The following SLC6A11 variants were observed in gnomAD, a reference collection of about 807,000 sequenced individuals.
SLC6A11 encodes sodium- and chloride-dependent GABA transporter 3.
In SLC6A11, 25 loss-of-function variants were observed where a neutral mutation model predicts 74.8. The ratio of observed to expected loss-of-function variants is 0.33; its 90% CI spans 0.24 to 0.47. The LOEUF (loss-of-function observed/expected upper bound fraction) is 0.47. SLC6A11 is among the 20% of genes least tolerant of loss of function. SLC6A11 has a pLI of 1.00. For missense variants in SLC6A11, 574 were observed against 837.0 expected, an observed-to-expected ratio of 0.69 and a Z score of 3.88; for synonymous variants, 330 against 330.2, an observed-to-expected ratio of 1.00 and a Z score of 0.01.
chr3:10,891,315 A>C (rs1025923294), intron 6 of SLC6A11, among the ~76,000 whole-genome samples: 1 of 152,254 alleles, frequency 6.6e-6, no homozygotes, highest in Admixed American at 6.5e-5. Context: ...TGTAACTGTC[A>C]TAAAAATATT....
intron 8 of SLC6A11, among the ~76,000 whole-genome samples, chr3:10,922,997 GAGAA>G (rs779518249): frequency 3.8e-4 from 58 of 152,196 alleles, no homozygotes; most frequent in Middle Eastern, 3.4e-3. Flanking sequence ...ATTTTTCACT[GAGAA>G]AGAAGTTATA....
intron 6 of SLC6A11, among the ~76,000 whole-genome samples, chr3:10,880,724 G>T (rs1261007250): frequency 6.6e-6 from 1 of 152,146 alleles, no homozygotes; most frequent in Non-Finnish European, 1.5e-5. Context: ...GGTGAAATGA[G>T]CACTTGGTGG....
rs1415443783 is a variant in SLC6A11, at chr3:10,933,272, C to T, written c.1474+19C>T. 8.3e-6 allele frequency: 13 copies of T among 1,558,030 alleles called. No individual in the cohort carries two copies. The highest frequency in any genetic ancestry group is 2.2e-5 in the East Asian group (1 of 44,574). On this transcript the variant is annotated intron_variant, in intron 11 of 13. Transcript: ENST00000254488. ...GTGTATGGTGAGTAGCAGCCAAGCC[C>T]GTCCACACCCCAGCTGCCCACCAGG...
intron 5 of SLC6A11, among the ~76,000 whole-genome samples, chr3:10,865,856 G>A (rs1485212208): frequency 1.3e-5 from 2 of 152,210 alleles, no homozygotes; most frequent in Non-Finnish European, 2.9e-5. Context: ...GTTGTCCTCA[G>A]AATCTTCTCT....
intron 5 of SLC6A11, among the ~76,000 whole-genome samples, chr3:10,870,121 G>A (rs1042044738): frequency 6.6e-6 from 1 of 152,164 alleles, no homozygotes; most frequent in African/African-American, 2.4e-5. Context: ...CCAAGCTCCA[G>A]CCCATGTTCA....
chr3:10,894,343 A>C (rs1695144851), intron 6 of SLC6A11, among the ~76,000 whole-genome samples: 1 of 152,142 alleles, frequency 6.6e-6, no homozygotes, highest in Non-Finnish European at 1.5e-5. Context: ...GTGGAAGGAG[A>C]ATGGTATGTA....
chr3:10,852,581 G>A (rs1489007875), intron 5 of SLC6A11, among the ~76,000 whole-genome samples: 1 of 152,250 alleles, frequency 6.6e-6, no homozygotes, highest in Non-Finnish European at 1.5e-5. Context: ...TCTGTGGCTG[G>A]TGGCCTGGAG....
chr3:10,852,230 A>G (rs767050028), intron 5 of SLC6A11, among the ~76,000 whole-genome samples: 2 of 152,198 alleles, frequency 1.3e-5, no homozygotes, highest in African/African-American at 2.4e-5. Context: ...AGAGGAAACT[A>G]GAACGTTCAT....
chr3:10,877,291 A>T (rs1694920609), intron 6 of SLC6A11, among the ~76,000 whole-genome samples: 1 of 152,174 alleles, frequency 6.6e-6, no homozygotes, highest in Non-Finnish European at 1.5e-5. Flanking sequence ...TTCACAGGAC[A>T]CAGAAGCAGT....
intron 4 of SLC6A11, among the ~76,000 whole-genome samples, chr3:10,836,978 G>A (rs889029855): frequency 1.3e-5 from 2 of 152,214 alleles, no homozygotes; most frequent in Non-Finnish European, 2.9e-5. Flanking sequence ...GAGACTGAAG[G>A]AATTTACTCC....
intron 4 of SLC6A11, among the ~76,000 whole-genome samples, chr3:10,842,377 T>G (rs769010728): frequency 6.6e-6 from 1 of 152,220 alleles, no homozygotes; most frequent in Non-Finnish European, 1.5e-5. Context: ...TTTGCAAAGG[T>G]TGGGACCCAG....
At chr3:10,890,379 G>T (rs1223720776) in intron 6 of SLC6A11, among the ~76,000 whole-genome samples, 1 of 152,204 alleles carries the variant, frequency 6.6e-6, no homozygotes, top group Non-Finnish European at 1.5e-5. Flanking sequence ...CATGGCCACA[G>T]TTGTCTTTGG....
intron 5 of SLC6A11, among the ~76,000 whole-genome samples, chr3:10,846,598 T>C (rs778915285): frequency 2.6e-5 from 4 of 152,194 alleles, no homozygotes; most frequent in Non-Finnish European, 5.9e-5. Flanking sequence ...ACTGGGCGAT[T>C]AAGTCTGAGC....
intron 6 of SLC6A11, among the ~76,000 whole-genome samples, chr3:10,875,760 G>T (rs973070110): frequency 6.6e-6 from 1 of 152,206 alleles, no homozygotes; most frequent in Admixed American, 6.5e-5. Context: ...GTACATGGTG[G>T]TGTGCCCTGG....
intron 6 of SLC6A11, among the ~76,000 whole-genome samples, chr3:10,884,018 A>G (rs1407855112): frequency 6.6e-6 from 1 of 152,156 alleles, no homozygotes; most frequent in African/African-American, 2.4e-5. Flanking sequence ...TGACACAGAC[A>G]CATGATTAAG....
At chr3:10,919,507 G>A (rs1031526627) in intron 8 of SLC6A11, among the ~76,000 whole-genome samples, 4 of 152,164 alleles carry the variant, frequency 2.6e-5, no homozygotes, top group African/African-American at 9.7e-5. Context: ...TGGCTATTTA[G>A]GTTTGGCATG....
chr3:10,851,202 C>A (rs972398337), intron 5 of SLC6A11, among the ~76,000 whole-genome samples: 7 of 152,010 alleles, frequency 4.6e-5, no homozygotes, highest in African/African-American at 1.5e-4. Context: ...GGATTTTTCC[C>A]CCTCATTTCC....
At chr3:10,894,582 A>C (rs1444382246) in intron 6 of SLC6A11, among the ~76,000 whole-genome samples, 2 of 152,228 alleles carry the variant, frequency 1.3e-5, no homozygotes, top group African/African-American at 4.8e-5. Flanking sequence ...CTGTATGTAG[A>C]ATCTAGAAAA....
intron 6 of SLC6A11, among the ~76,000 whole-genome samples, chr3:10,897,452 T>C (rs1326024324): frequency 6.6e-6 from 1 of 152,150 alleles, no homozygotes; most frequent in African/African-American, 2.4e-5. Context: ...ATTGGGTAAA[T>C]ACAACCCTTC....
Sources: allele counts gnomAD v4.1 joint callset (sites outside exome capture counted in the v4.1 genomes callset), GRCh38; gene constraint gnomAD v4.1.1; transcripts MANE v1.5; gene names NCBI Gene and HGNC (gene_info 2026-07-23, HGNC 2026-07-21).